Variants in ATP9B observed in about 807,000 individuals in gnomAD.
ATP9B encodes probable phospholipid-transporting ATPase IIB.
Under a neutral mutation model 146.1 loss-of-function variants are expected in ATP9B, and 110 were observed. The ratio of observed to expected loss-of-function variants is 0.75; its 90% confidence interval spans 0.65 to 0.88. ATP9B has a LOEUF of 0.88. Among genes scored for constraint, ATP9B ranks in the 40% least tolerant of loss-of-function variants. The pLI is 0.00. For missense variants in ATP9B, 1,499 were observed against 1,496.4 expected (o/e 1.00, Z -0.03); for synonymous variants, 604 against 569.7 (o/e 1.06, Z -0.86).
At chr18:79,303,351 G>A (rs1056261248) in intron 13 of ATP9B, among the ~76,000 whole-genome samples, 67 of 152,178 alleles carry the variant, frequency 4.4e-4, no homozygotes, top group African/African-American at 1.5e-3. Context: ...AACAGAGTGA[G>A]ACCCAGTCTC....
chr18:79,329,426 G>C, intron 16 of ATP9B, 124 bp downstream of exon 16: 1 of 1,044,200 alleles, frequency 9.6e-7, no homozygotes, highest in South Asian at 2.7e-5. Context: ...TTACAGTTTT[G>C]TTTGTTTTTT....
chr18:79,101,188 C>G, intron 2 of ATP9B, among the ~76,000 whole-genome samples: 1 of 151,908 alleles, frequency 6.6e-6, no homozygotes, highest in Non-Finnish European at 1.5e-5. Flanking sequence ...CATTCCAACC[C>G]CACAGGGAGC....
At chr18:79,230,412 T>C (rs1244925604) in intron 11 of ATP9B, among the ~76,000 whole-genome samples, 1 of 152,208 alleles carries the variant, frequency 6.6e-6, no homozygotes, top group East Asian at 1.9e-4. Flanking sequence ...AGCCCTGCTG[T>C]ATACCAAACA....
At chr18:79,263,919 C>A (rs2096172693) in intron 12 of ATP9B, among the ~76,000 whole-genome samples, 1 of 152,090 alleles carries the variant, frequency 6.6e-6, no homozygotes, top group South Asian at 2.1e-4. Context: ...CCTGTCTCTA[C>A]TAAAAAATAC....
chr18:79,285,674 A>G (rs2096430951), intron 13 of ATP9B, among the ~76,000 whole-genome samples: 1 of 152,168 alleles, frequency 6.6e-6, no homozygotes, highest in East Asian at 1.9e-4. Context: ...TTGGTGTTTT[A>G]GACATGAAGT....
intron 15 of ATP9B, among the ~76,000 whole-genome samples, chr18:79,310,618 G>A (rs994762909): frequency 1.3e-5 from 2 of 152,166 alleles, no homozygotes; most frequent in Non-Finnish European, 1.5e-5. Context: ...GGCTGTGACC[G>A]TGTCCTGACA....
At chr18:79,356,618 G>A (rs182530718) in intron 25 of ATP9B, among the ~76,000 whole-genome samples, 2 of 152,376 alleles carry the variant, frequency 1.3e-5, no homozygotes, top group East Asian at 3.9e-4. Flanking sequence ...TGTAAAAGAC[G>A]CCAGTCCCCG....
chr18:79,256,700 G>A (rs1016283099), intron 12 of ATP9B, among the ~76,000 whole-genome samples: 10 of 151,926 alleles, frequency 6.6e-5, no homozygotes, highest in Non-Finnish European at 1.3e-4. Context: ...TTTTAAGTCA[G>A]CTCATCTTCC....
chr18:79,143,696 T>G, intron 5 of ATP9B, 106 bp from the exon 6 acceptor site: 1 of 691,088 alleles, frequency 1.4e-6, no homozygotes, highest in Non-Finnish European at 2.3e-6. Context: ...ATTTCTAAAG[T>G]TTTTTTTTCT....
In ATP9B at chr18:79,264,145, GT is replaced by G. The variant is rs1245939891; in HGVS notation, c.1268+10605del. Among the ~76,000 whole-genome samples, 10 of 152,102 alleles carry G rather than the reference GT, an allele frequency of 6.6e-5. 1 individual carries two copies. The highest frequency in any genetic ancestry group is 5.9e-4 in the Admixed American group (9 of 15,278). On this transcript the variant is annotated intron_variant, in intron 12 of 29. Transcript: ENST00000426216. ...GCAGCACTACTTGGCTGTGTTATTT[GT>G]CAAATTTACCAGATAATGTTTAACT... is the stretch of plus-strand genomic sequence containing the variant.
chr18:79,311,827 G>A (rs964380652), intron 15 of ATP9B, among the ~76,000 whole-genome samples: 1 of 152,136 alleles, frequency 6.6e-6, no homozygotes, highest in Non-Finnish European at 1.5e-5. Context: ...GGATGCCACC[G>A]TGATGGGACA....
intron 11 of ATP9B, among the ~76,000 whole-genome samples, chr18:79,229,761 C>A (rs1181048768): frequency 6.6e-6 from 1 of 152,194 alleles, no homozygotes; most frequent in Non-Finnish European, 1.5e-5. Context: ...TAAACCTTAG[C>A]TTTCTGGATA....
intron 11 of ATP9B, among the ~76,000 whole-genome samples, chr18:79,251,964 AGGT>A (rs1447265926): frequency 6.6e-6 from 1 of 152,250 alleles, no homozygotes; most frequent in Non-Finnish European, 1.5e-5. Context: ...AGAAATAAGT[AGGT>A]AAGTTAAGTA....
intron 9 of ATP9B, among the ~76,000 whole-genome samples, chr18:79,198,014 C>T (rs1036861783): frequency 6.6e-6 from 1 of 152,130 alleles, no homozygotes; most frequent in African/African-American, 2.4e-5. Flanking sequence ...GCAACAGCTA[C>T]ATAATACACA....
chr18:79,194,222 T>C (rs1296169280), intron 9 of ATP9B, among the ~76,000 whole-genome samples: 2 of 152,198 alleles, frequency 1.3e-5, no homozygotes, highest in African/African-American at 4.8e-5. Context: ...CATGTTCTTA[T>C]TAAAGACAAC....
chr18:79,166,603 G>A (rs1398212774), intron 7 of ATP9B, among the ~76,000 whole-genome samples: 3 of 152,142 alleles, frequency 2.0e-5, no homozygotes, highest in Non-Finnish European at 4.4e-5. Flanking sequence ...GACTGAACAC[G>A]GGCAAAGTCG....
intron 10 of ATP9B, chr18:79,209,525 AAAGTTT>A: frequency 3.2e-6 from 1 of 313,026 alleles, no homozygotes; most frequent in East Asian, 1.7e-4. Flanking sequence ...TTCCCTGAAC[AAAGTTT>A]TCTCTCCTGA....
At chr18:79,149,710 G>GT (rs1311869104) in intron 6 of ATP9B, among the ~76,000 whole-genome samples, 1 of 143,312 alleles carries the variant, frequency 7.0e-6, no homozygotes, top group Non-Finnish European at 1.5e-5. Context: ...AAACTTAACA[G>GT]TAAAAAAAAA....
intron 15 of ATP9B, among the ~76,000 whole-genome samples, chr18:79,309,972 A>G (rs889594296): frequency 6.6e-6 from 1 of 152,226 alleles, no homozygotes; most frequent in Non-Finnish European, 1.5e-5. Flanking sequence ...ATACTGATTC[A>G]ATTTCTGAAA....
Sources: allele counts gnomAD v4.1 joint callset (sites outside exome capture counted in the v4.1 genomes callset), GRCh38; gene constraint gnomAD v4.1.1; transcripts MANE v1.5; gene names NCBI Gene and HGNC (gene_info 2026-07-23, HGNC 2026-07-21).